The following RAB10 variants were observed in gnomAD, a reference collection of about 807,000 sequenced individuals.
The protein encoded by RAB10 is ras-related protein Rab-10.
In RAB10, 5 loss-of-function variants were observed where a neutral mutation model predicts 25.7. The observed-to-expected ratio is 0.19, with a 90% CI of 0.10 to 0.41. The LOEUF is 0.41. Ranked by LOEUF, RAB10 falls within the 10% of genes least tolerant of loss-of-function variation. The pLI is 1.00. For synonymous variants in RAB10, 89 were observed against 86.4 expected (o/e 1.03, Z -0.16); for missense variants, 103 against 245.8 (o/e 0.42, Z 3.89).
chr2:26,097,311 T>C (rs1667243434), intron 1 of RAB10, among the ~76,000 whole-genome samples: 1 of 152,132 alleles, frequency 6.6e-6, no homozygotes. Context: ...TCTCACTCTG[T>C]CGCCCAGGCT....
intron 1 of RAB10, among the ~76,000 whole-genome samples, chr2:26,039,579 C>T (rs2149260556): frequency 6.6e-6 from 1 of 152,012 alleles, no homozygotes; most frequent in East Asian, 2.0e-4. Context: ...GAACTCCTGA[C>T]CTCAGGTGAT....
rs1465086748 is a variant in RAB10, at chr2:26,135,981, C to G, written c.*960C>G. The G allele has an allele frequency of 1.3e-5, 2 of 152,646 alleles. No individual in the cohort carries two copies. The highest frequency in any genetic ancestry group is 2.9e-5 in the Non-Finnish European group (2 of 68,070). 9.5% of individuals were successfully genotyped at this position (152,646 alleles called of 1,614,324 possible). On this transcript the variant is annotated 3_prime_UTR_variant, in exon 6 of 6. Transcript: ENST00000264710. ...TTGGTGTCTTCCCCCCTCATTTGCTCTCTTCCCTAAAATGTGTCCCAGATG... is the reference window on the plus strand; with the variant it reads ...TTGGTGTCTTCCCCCCTCATTTGCTGTCTTCCCTAAAATGTGTCCCAGATG...
At chr2:26,073,838 A>T (rs1027151023) in intron 1 of RAB10, among the ~76,000 whole-genome samples, 5 of 152,218 alleles carry the variant, frequency 3.3e-5, no homozygotes, top group African/African-American at 1.2e-4. Context: ...ATGGATGTAG[A>T]TAAGATTTGA....
At chr2:26,108,434 C>CG (rs1667508562) in intron 2 of RAB10, among the ~76,000 whole-genome samples, 1 of 152,000 alleles carries the variant, frequency 6.6e-6, no homozygotes, top group Non-Finnish European at 1.5e-5. Flanking sequence ...ATTCCACTTA[C>CG]GTAACATTCT....
At chr2:26,069,740 CTG>C (rs1666585696) in intron 1 of RAB10, among the ~76,000 whole-genome samples, 1 of 151,082 alleles carries the variant, frequency 6.6e-6, no homozygotes, top group Admixed American at 6.6e-5. Flanking sequence ...GGGTCTCACT[CTG>C]TTGCCCCGGC....
chr2:26,046,099 T>C (rs6727978), intron 1 of RAB10, among the ~76,000 whole-genome samples: 126,021 of 152,182 alleles, frequency 0.83, 52,509 homozygotes, highest in African/African-American at 0.93. Context: ...CCAAGGCCGG[T>C]GGATCACCTG....
chr2:26,072,782 A>G (rs1666655521), intron 1 of RAB10, among the ~76,000 whole-genome samples: 1 of 152,252 alleles, frequency 6.6e-6, no homozygotes, highest in Non-Finnish European at 1.5e-5. Flanking sequence ...GCTAAACATT[A>G]AAGTTGCAGT....
intron 1 of RAB10, among the ~76,000 whole-genome samples, chr2:26,086,021 G>T (rs527241411): frequency 7.1e-6 from 1 of 140,564 alleles, no homozygotes; most frequent in Non-Finnish European, 1.5e-5. Flanking sequence ...AAAAAAAGGG[G>T]GGGGGCAAAG....
chr2:26,071,307 T>A (rs942529692), intron 1 of RAB10, among the ~76,000 whole-genome samples: 1 of 152,212 alleles, frequency 6.6e-6, no homozygotes, highest in Non-Finnish European at 1.5e-5. Context: ...CAAACTATGG[T>A]TATTCAGACT....
intron 1 of RAB10, among the ~76,000 whole-genome samples, chr2:26,046,300 A>G (rs948741239): frequency 6.6e-6 from 1 of 151,928 alleles, no homozygotes; most frequent in Non-Finnish European, 1.5e-5. Flanking sequence ...ACTCCAGCCT[A>G]GGCAACAAGA....
intron 1 of RAB10, among the ~76,000 whole-genome samples, chr2:26,046,862 G>A (rs6741477): frequency 0.035 from 5,252 of 152,232 alleles, 302 homozygotes; most frequent in African/African-American, 0.12. Flanking sequence ...TGTTTCTTTC[G>A]TATAATTAGC....
chr2:26,093,331 A>T (rs1667147627), intron 1 of RAB10, among the ~76,000 whole-genome samples: 1 of 152,148 alleles, frequency 6.6e-6, no homozygotes, highest in Admixed American at 6.5e-5. Flanking sequence ...TGAAGTCTTT[A>T]TTTGAAGTTT....
intron 1 of RAB10, among the ~76,000 whole-genome samples, chr2:26,053,602 T>G (rs962317427): frequency 6.6e-5 from 10 of 152,232 alleles, no homozygotes; most frequent in Non-Finnish European, 4.4e-5. Flanking sequence ...TGAAACCTGG[T>G]AAATATTCGT....
chr2:26,074,038 T>A (rs929637736), intron 1 of RAB10, among the ~76,000 whole-genome samples: 2 of 152,202 alleles, frequency 1.3e-5, no homozygotes, highest in Non-Finnish European at 2.9e-5. Context: ...ATTTGGACTT[T>A]GTCTAGTAGA....
At chr2:26,080,462 GAT>G (rs1156866719) in intron 1 of RAB10, among the ~76,000 whole-genome samples, 1 of 151,826 alleles carries the variant, frequency 6.6e-6, no homozygotes, top group Non-Finnish European at 1.5e-5. Flanking sequence ...TTTTTGTCGT[GAT>G]ACATTCCTGA....
At chr2:26,094,570 T>G (rs1667172314) in intron 1 of RAB10, among the ~76,000 whole-genome samples, 1 of 144,682 alleles carries the variant, frequency 6.9e-6, no homozygotes, top group African/African-American at 2.6e-5. Context: ...TTATTATGTA[T>G]TTTTTTGAGA....
Position 26,121,140 on chromosome 2 carries a change from G to C in RAB10, c.328-6004G>C, listed in dbSNP as rs576119472. On this transcript the variant is annotated intron_variant, in intron 3 of 5. Coordinates refer to ENST00000264710, the MANE Select transcript of RAB10 (RefSeq NM_016131.5). ...TTGGCCAGGCTGGTCTCGAACCCCT[G>C]ACCTCATGTGATCCACCCACCTCAG... 2.0e-5 allele frequency among the ~76,000 whole-genome samples: 3 copies of C among 152,114 alleles called. No homozygotes were observed. The South Asian group carries it at 6.2e-4, about 32-fold the overall frequency.
In RAB10 at chr2:26,098,553, A is replaced by G. The variant is rs543248306; in HGVS notation, c.128-109A>G. ...GCATACTTGGTGAATATCTGGAATC[A>G]AACAAACACAGACAAGTTTAAAAGG... is the stretch of plus-strand genomic sequence containing the variant. On this transcript the variant is annotated intron_variant, in intron 1 of 5. Transcript: ENST00000264710. 3.1e-5 allele frequency: 25 copies of G among 800,518 alleles called. No homozygotes were observed. The South Asian group carries it at 3.8e-4, about 12-fold the overall frequency. The allele number at this position is 800,518 out of a possible 1,614,324, so 49.6% of individuals were successfully genotyped here. A position where few individuals can be genotyped will look rare whatever the true frequency, so the allele number is the denominator to read the frequency against.
At chr2:26,053,645 C>A (rs565726158) in intron 1 of RAB10, among the ~76,000 whole-genome samples, 1 of 152,210 alleles carries the variant, frequency 6.6e-6, no homozygotes, top group South Asian at 2.1e-4. Flanking sequence ...TCATCTACCT[C>A]TTTATATATT....
Sources: gnomAD v4.1 joint callset for allele counts (sites outside exome capture counted in the v4.1 genomes callset) on GRCh38, gnomAD v4.1.1 for gene constraint, MANE v1.5 for transcripts, NCBI Gene and HGNC (gene_info 2026-07-23, HGNC 2026-07-21) for gene names.